CCBE1: variants seen among roughly 807,000 people sequenced by gnomAD.
CCBE1 encodes the protein collagen and calcium binding EGF domains 1, also known as collagen and calcium-binding EGF domain-containing protein 1.
A neutral mutation model predicts 50.0 loss-of-function variants in CCBE1; 37 were observed. The observed-to-expected ratio is 0.74, with a 90% CI of 0.57 to 0.97. The LOEUF is 0.97. Ranked by LOEUF, CCBE1 falls within the 50% of genes least tolerant of loss-of-function variation. The probability of loss-of-function intolerance (pLI) is 0.00; values close to 1 mark genes in which losing one functional copy is unlikely to be tolerated. For missense variants in CCBE1, 538 were observed against 523.8 expected, an observed-to-expected ratio of 1.03 and a Z score of -0.26; for synonymous variants, 234 against 203.7, an observed-to-expected ratio of 1.15 and a Z score of -1.27.
chr18:59,556,016 C>A (rs1283607997), intron 2 of CCBE1, among the ~76,000 whole-genome samples: 1 of 152,192 alleles, frequency 6.6e-6, no homozygotes, highest in Non-Finnish European at 1.5e-5. Flanking sequence ...TTCAGATTCT[C>A]ATCTTTTTCA....
At chr18:59,532,368 T>A (rs879651355) in intron 2 of CCBE1, among the ~76,000 whole-genome samples, 7 of 152,174 alleles carry the variant, frequency 4.6e-5, no homozygotes, top group Non-Finnish European at 8.8e-5. Flanking sequence ...ATATGGAGAA[T>A]GTCTAGAAGG....
intron 2 of CCBE1, among the ~76,000 whole-genome samples, chr18:59,630,171 T>C (rs779797331): frequency 1.5e-4 from 23 of 152,172 alleles, no homozygotes; most frequent in Non-Finnish European, 3.1e-4. Context: ...GACCTCCGCC[T>C]CATGCTCGTG....
intron 2 of CCBE1, among the ~76,000 whole-genome samples, chr18:59,542,401 A>G (rs573840583): frequency 6.6e-6 from 1 of 152,204 alleles, no homozygotes; most frequent in Non-Finnish European, 1.5e-5. Context: ...CAAAGGCAGA[A>G]TTCTGTTTCT....
chr18:59,570,743 G>C (rs367957474), intron 2 of CCBE1, among the ~76,000 whole-genome samples: 1 of 152,206 alleles, frequency 6.6e-6, no homozygotes, highest in African/African-American at 2.4e-5. Context: ...AAATTGCTCT[G>C]TGTGTGAGGT....
intron 5 of CCBE1, among the ~76,000 whole-genome samples, chr18:59,459,955 G>A (rs1911381793): frequency 6.6e-6 from 1 of 152,178 alleles, no homozygotes; most frequent in African/African-American, 2.4e-5. Flanking sequence ...ACACTGACCT[G>A]TAATAAGTGA....
At chr18:59,496,568 T>C (rs537657043) in intron 2 of CCBE1, among the ~76,000 whole-genome samples, 4 of 152,316 alleles carry the variant, frequency 2.6e-5, no homozygotes, top group Admixed American at 6.5e-5. Context: ...TCATGTTTCT[T>C]GTATAAAATA....
At chr18:59,646,724 T>A (rs538761694) in intron 2 of CCBE1, among the ~76,000 whole-genome samples, 1 of 152,232 alleles carries the variant, frequency 6.6e-6, no homozygotes, top group African/African-American at 2.4e-5. Flanking sequence ...ACAGGTCTCA[T>A]GTAGCAATGA....
rs764388085 is a variant in CCBE1, at chr18:59,480,185, C to T, written c.265+1G>A. ...GACAATATCTTTTTTATATTACATA[C>T]CTTCTGGGATGCATTGTCCAAGAAC... On this transcript the variant is annotated splice_donor_variant, in intron 3 of 10. Transcript: ENST00000439986. LOFTEE classifies it high-confidence loss of function. The T allele has an allele frequency of 6.3e-7, 1 of 1,575,332 alleles. No individual in the cohort carries two copies. The highest frequency in any genetic ancestry group is 8.7e-7 in the Non-Finnish European group (1 of 1,145,408).
At chr18:59,678,353 TTAAA>T (rs1448982953) in intron 2 of CCBE1, among the ~76,000 whole-genome samples, 3 of 152,150 alleles carry the variant, frequency 2.0e-5, no homozygotes, top group African/African-American at 7.2e-5. Context: ...CTGCTGCAAT[TTAAA>T]TAATATTTTA....
intron 2 of CCBE1, among the ~76,000 whole-genome samples, chr18:59,510,154 C>G (rs1307996864): frequency 2.0e-5 from 3 of 152,188 alleles, no homozygotes; most frequent in Non-Finnish European, 2.9e-5. Flanking sequence ...AGAGACAAAT[C>G]TATCTGGGTA....
chr18:59,483,025 G>T (rs565935145), intron 2 of CCBE1, among the ~76,000 whole-genome samples: 5 of 152,044 alleles, frequency 3.3e-5, no homozygotes, highest in Non-Finnish European at 7.4e-5. Flanking sequence ...TACCAGCTGG[G>T]AACTGCATGT....
chr18:59,641,596 T>G (rs2053991801), intron 2 of CCBE1, among the ~76,000 whole-genome samples: 1 of 152,148 alleles, frequency 6.6e-6, no homozygotes, highest in Non-Finnish European at 1.5e-5. Flanking sequence ...CCCCTGAACC[T>G]AAGTTAGAAA....
intron 2 of CCBE1, among the ~76,000 whole-genome samples, chr18:59,532,012 C>A (rs1261394069): frequency 1.3e-5 from 2 of 152,194 alleles, no homozygotes; most frequent in East Asian, 3.8e-4. Flanking sequence ...ATTTCCATGT[C>A]CACTGGACAC....
intron 2 of CCBE1, among the ~76,000 whole-genome samples, chr18:59,626,399 G>C (rs1291883460): frequency 6.6e-6 from 1 of 152,174 alleles, no homozygotes; most frequent in African/African-American, 2.4e-5. Flanking sequence ...GCTGACATGG[G>C]GGTATTTTCA....
chr18:59,448,055 C>T lies in CCBE1; in HGVS notation c.703G>A (p.Gly235Ser), dbSNP rs753954949. ...NAADLGKYIT[G>S]DKVLASNTYL... The stretch of plus-strand genomic sequence containing the variant: ...GTGTTTGAGGCCAGCACCTTGTCAC[C>T]AGTGATATACTTGCCCAGGTCAGCT... Residue 235 changes from glycine (G) to serine (S), a missense_variant, in exon 7 of 11, where the codon GGT becomes AGT. By Grantham distance (56) the Gly-to-Ser change is moderately conservative (BLOSUM62 0). Transcript: ENST00000439986. 3.1e-6 allele frequency: 5 copies of T among 1,613,936 alleles called. No individual in the cohort carries two copies. The African/African-American group carries it at 6.7e-5, about 22-fold the overall frequency.
chr18:59,640,205 A>G (rs1458189408), intron 2 of CCBE1, among the ~76,000 whole-genome samples: 1 of 152,134 alleles, frequency 6.6e-6, no homozygotes, highest in Non-Finnish European at 1.5e-5. Flanking sequence ...AAGAATAGAG[A>G]TGGAGGCATC....
intron 2 of CCBE1, among the ~76,000 whole-genome samples, chr18:59,572,607 A>G (rs2052929798): frequency 6.6e-6 from 1 of 152,254 alleles, no homozygotes; most frequent in East Asian, 1.9e-4. Flanking sequence ...GTCAAAATAT[A>G]TAAATCAGTC....
intron 2 of CCBE1, among the ~76,000 whole-genome samples, chr18:59,540,240 T>TA (rs1382984043): frequency 2.0e-5 from 3 of 152,024 alleles, no homozygotes; most frequent in Admixed American, 6.6e-5. Context: ...AACATTAGAC[T>TA]TTTTTTTGTT....
intron 2 of CCBE1, among the ~76,000 whole-genome samples, chr18:59,693,858 G>A (rs1459942602): frequency 8.0e-6 from 1 of 125,762 alleles, no homozygotes; most frequent in Admixed American, 8.6e-5. Context: ...CTTGTTAAAG[G>A]AAAGCCTTTT....
Sources: allele counts gnomAD v4.1 joint callset (sites outside exome capture counted in the v4.1 genomes callset), GRCh38; gene constraint gnomAD v4.1.1; transcripts MANE v1.5; gene names NCBI Gene and HGNC (gene_info 2026-07-23, HGNC 2026-07-21).